Variants in HLF observed in about 807,000 individuals in gnomAD.
HLF encodes the protein HLF transcription factor, PAR bZIP family member, also known as hepatic leukemia factor.
Under a neutral mutation model 22.6 loss-of-function variants are expected in HLF, and 3 were observed. That is an observed-to-expected ratio of 0.13 (90% CI 0.06 to 0.34). HLF has a LOEUF of 0.34. Ranked by LOEUF, HLF falls within the 10% of genes least tolerant of loss-of-function variation. The pLI, the probability that HLF is intolerant of heterozygous loss-of-function variation, is 1.00. For synonymous variants in HLF, 151 were observed against 151.8 expected, an observed-to-expected ratio of 0.99 and a Z score of 0.04; for missense variants, 299 against 389.2, an observed-to-expected ratio of 0.77 and a Z score of 1.95.
intron 2 of HLF, among the ~76,000 whole-genome samples, chr17:55,270,026 G>A (rs1385295004): frequency 6.6e-6 from 1 of 152,202 alleles, no homozygotes; most frequent in Non-Finnish European, 1.5e-5. Context: ...TTGGGGTTTT[G>A]GGATTTGAAG....
chr17:55,278,180 T>C (rs1407521063), intron 2 of HLF, among the ~76,000 whole-genome samples: 2 of 152,204 alleles, frequency 1.3e-5, no homozygotes, highest in Non-Finnish European at 2.9e-5. Flanking sequence ...CTCTCAAATT[T>C]TGCCTGGGAG....
At position 55,280,527 on chromosome 17, in the gene HLF, G is replaced by A. The variant is rs377432010; in HGVS notation, c.451+12441G>A. 2.6e-5 allele frequency among the ~76,000 whole-genome samples: 4 copies of A among 152,176 alleles called. No homozygotes were observed. In the East Asian group the frequency reaches 7.7e-4, roughly 29 times the overall value. On this transcript the variant is annotated intron_variant, in intron 2 of 3. Coordinates refer to ENST00000226067, the MANE Select transcript of HLF (RefSeq NM_002126.5). ...ATCTTGAGTGGGTAAGGGTGAAAGG[G>A]AATTTAGAATACATTTCCTTTGGTG...
chr17:55,276,314 G>A (rs1280005931), intron 2 of HLF, among the ~76,000 whole-genome samples: 1 of 152,216 alleles, frequency 6.6e-6, no homozygotes, highest in Non-Finnish European at 1.5e-5. Flanking sequence ...TAGGCAAAGT[G>A]ATGAGTGACA....
chr17:55,267,586 C>T (rs963342210), intron 1 of HLF, 165 bp from the exon 2 acceptor site: 29 of 558,378 alleles, frequency 5.2e-5, no homozygotes, highest in African/African-American at 4.6e-4. Flanking sequence ...AGATCCACGT[C>T]CTGCCTGAAC....
chr17:55,313,361 T>C (rs759476521), intron 2 of HLF, among the ~76,000 whole-genome samples: 1,155 of 81,724 alleles, frequency 0.014, 10 homozygotes, highest in African/African-American at 0.033. Flanking sequence ...GGTGTGTGCG[T>C]GTGTGTGTGT....
At chr17:55,265,689 A>T in intron 1 of HLF, 90 bp downstream of exon 1, 1 of 1,098,994 alleles carries the variant, frequency 9.1e-7, no homozygotes, top group Admixed American at 2.9e-5. Context: ...GCATCCCCCA[A>T]CCCCGCTCCC....
intron 2 of HLF, among the ~76,000 whole-genome samples, chr17:55,288,580 TAATGAAA>T (rs2081028566): frequency 1.3e-5 from 2 of 151,956 alleles, no homozygotes. Flanking sequence ...CTGGGCAATG[TAATGAAA>T]CCCCATCTCT....
chr17:55,290,109 A>G (rs1462086708), intron 2 of HLF, among the ~76,000 whole-genome samples: 2 of 152,208 alleles, frequency 1.3e-5, no homozygotes, highest in Non-Finnish European at 2.9e-5. Flanking sequence ...AAAACCAGAC[A>G]AATAAGCACA....
chr17:55,306,960 G>A (rs1242853469), intron 2 of HLF, among the ~76,000 whole-genome samples: 1 of 151,934 alleles, frequency 6.6e-6, no homozygotes, highest in Non-Finnish European at 1.5e-5. Context: ...TGGCCTTTTG[G>A]ATGGGAACCC....
At chr17:55,319,993 C>G (rs1296377427) in intron 3 of HLF, among the ~76,000 whole-genome samples, 1 of 152,208 alleles carries the variant, frequency 6.6e-6, no homozygotes, top group Non-Finnish European at 1.5e-5. Context: ...ATATGAACAT[C>G]TTTCTGGTGC....
intron 2 of HLF, among the ~76,000 whole-genome samples, chr17:55,309,839 C>A (rs1375574440): frequency 6.6e-6 from 1 of 152,096 alleles, no homozygotes; most frequent in Non-Finnish European, 1.5e-5. Flanking sequence ...TTGCAATTAG[C>A]CTTTAGGATG....
chr17:55,277,598 A>AAGGG (rs1480486649), intron 2 of HLF, among the ~76,000 whole-genome samples: 1 of 149,610 alleles, frequency 6.7e-6, no homozygotes, highest in Non-Finnish European at 1.5e-5. Context: ...TAGTAAAGGA[A>AAGGG]AGGGACATTG....
At chr17:55,273,755 CTTTTT>C (rs11319874) in intron 2 of HLF, 2 of 140,482 alleles carry the variant, frequency 1.4e-5, no homozygotes, top group Non-Finnish European at 3.1e-5. Flanking sequence ...TGCTGGCTTG[CTTTTT>C]TTTTTTTTTT....
intron 1 of HLF, among the ~76,000 whole-genome samples, chr17:55,267,325 T>G (rs1300039958): frequency 6.6e-6 from 1 of 152,220 alleles, no homozygotes; most frequent in Non-Finnish European, 1.5e-5. Context: ...CTGAATGACC[T>G]CCTATTGCTG....
At chr17:55,296,281 AT>A (rs1002809225) in intron 2 of HLF, among the ~76,000 whole-genome samples, 1 of 152,278 alleles carries the variant, frequency 6.6e-6, no homozygotes, top group Admixed American at 6.5e-5. Context: ...ATTACCAGTG[AT>A]TTTTTTAAAA....
chr17:55,300,844 TA>T (rs1387161740), intron 2 of HLF, among the ~76,000 whole-genome samples: 1 of 152,222 alleles, frequency 6.6e-6, no homozygotes, highest in Non-Finnish European at 1.5e-5. Context: ...TCCTTTGCTC[TA>T]ATTGCATCGA....
At chr17:55,265,946 G>GCTCTGCCCTCC in intron 1 of HLF, 1 of 798,806 alleles carries the variant, frequency 1.3e-6, no homozygotes, top group Non-Finnish European at 1.6e-6. Flanking sequence ...GCCTGCGGAG[G>GCTCTGCCCTCC]GCAGAGCCTC....
At chr17:55,265,703 C>T in intron 1 of HLF, 104 bp downstream of exon 1, 1 of 1,091,404 alleles carries the variant, frequency 9.2e-7, no homozygotes. Flanking sequence ...CGCTCCCGCC[C>T]TGTCCCGCGG....
chr17:55,278,685 A>T (rs1342485219), intron 2 of HLF, among the ~76,000 whole-genome samples: 1 of 152,204 alleles, frequency 6.6e-6, no homozygotes, highest in Non-Finnish European at 1.5e-5. Context: ...ATGAGGGGTT[A>T]TTTTAAGGAT....
Sources: allele counts gnomAD v4.1 joint callset (sites outside exome capture counted in the v4.1 genomes callset), GRCh38; gene constraint gnomAD v4.1.1; transcripts MANE v1.5; gene names NCBI Gene and HGNC (gene_info 2026-07-23, HGNC 2026-07-21).